CNKSR3: variants seen among roughly 807,000 people sequenced by gnomAD.
CNKSR3 encodes connector enhancer of kinase suppressor of ras 3.
Under a neutral mutation model 67.7 loss-of-function variants are expected in CNKSR3, and 36 were observed. The observed-to-expected ratio is 0.53, with a 90% confidence interval of 0.41 to 0.70. The LOEUF (loss-of-function observed/expected upper bound fraction) is 0.70, where lower values mean the gene tolerates loss of function less well. Ranked by LOEUF, CNKSR3 falls within the 30% of genes least tolerant of loss-of-function variation. CNKSR3 has a pLI of 0.00. For synonymous variants in CNKSR3, 281 were observed against 271.4 expected (o/e 1.04, Z -0.35); for missense variants, 630 against 695.2 (o/e 0.91, Z 1.05).
chr6:154,454,102 CACAGAGAGAGAGAG>C (rs1361490059), intron 1 of CNKSR3, among the ~76,000 whole-genome samples: 2 of 115,224 alleles, frequency 1.7e-5, no homozygotes, highest in African/African-American at 3.4e-5. Flanking sequence ...CACACACACA[CACAGAGAGAGAGAG>C]AGAGAGAGAG....
At chr6:154,435,069 ACCGGCAGCCTTGACCTC>A in intron 4 of CNKSR3, among the ~76,000 whole-genome samples, 1 of 146,840 alleles carries the variant, frequency 6.8e-6, no homozygotes, top group Non-Finnish European at 1.5e-5. Context: ...ATCTCAGCTC[ACCGGCAGCCTTGACCTC>A]CTGGGCTCAA....
chr6:154,464,164 C>T (rs932152381), intron 1 of CNKSR3, among the ~76,000 whole-genome samples: 5 of 152,144 alleles, frequency 3.3e-5, no homozygotes, highest in Admixed American at 1.3e-4. Flanking sequence ...TTGTGTGCAT[C>T]GTGCATCTGA....
intron 6 of CNKSR3, among the ~76,000 whole-genome samples, chr6:154,430,138 A>G (rs559855176): frequency 1.6e-4 from 24 of 152,334 alleles, no homozygotes; most frequent in Middle Eastern, 3.4e-3. Flanking sequence ...CTAAGTGCTA[A>G]TACTTTCAGA....
At chr6:154,413,029 G>A (rs879256371) in intron 10 of CNKSR3, among the ~76,000 whole-genome samples, 8 of 151,878 alleles carry the variant, frequency 5.3e-5, no homozygotes, top group Non-Finnish European at 7.4e-5. Context: ...ATAAAAATAA[G>A]CCTAGATCAC....
chr6:154,411,282 T>C, intron 10 of CNKSR3, 140 bp from the exon 11 acceptor site: 2 of 633,738 alleles, frequency 3.2e-6, no homozygotes, highest in East Asian at 2.8e-5. Context: ...ATTCCTTTTG[T>C]CAACCCCAGT....
At chr6:154,485,525 T>A (rs529474060) in intron 1 of CNKSR3, among the ~76,000 whole-genome samples, 1 of 152,314 alleles carries the variant, frequency 6.6e-6, no homozygotes, top group East Asian at 1.9e-4. Flanking sequence ...AGGTCAACTT[T>A]TAAGTTTTTT....
At chr6:154,495,664 T>C (rs1449897159) in intron 1 of CNKSR3, among the ~76,000 whole-genome samples, 1 of 151,976 alleles carries the variant, frequency 6.6e-6, no homozygotes, top group East Asian at 1.9e-4. Flanking sequence ...CATGAGCCAC[T>C]GTGCCCGGCC....
chr6:154,396,569 G>C lies in CNKSR3; in HGVS notation c.*9785C>G, dbSNP rs138141844. On this transcript the variant is annotated 3_prime_UTR_variant, in exon 13 of 13. Transcript: ENST00000607772. ...ATTATACAGACCCTGCTTTAGAAAG[G>C]CTCACAATTCAAGCTGGTCTAACAC... 4 of 152,034 alleles carry C rather than the reference G, an allele frequency of 2.6e-5. No homozygotes were observed. The highest frequency in any genetic ancestry group is 5.9e-5 in the Non-Finnish European group (4 of 68,028). The allele number at this position is 152,034 out of a possible 1,614,324, so 9.4% of individuals were successfully genotyped here. A position where few individuals can be genotyped will look rare whatever the true frequency, so the allele number is the denominator to read the frequency against.
At chr6:154,422,846 AAAC>A (rs1316471112) in intron 8 of CNKSR3, 66 bp downstream of exon 8, 1 of 1,374,156 alleles carries the variant, frequency 7.3e-7, no homozygotes, top group African/African-American at 1.5e-5. Flanking sequence ...TTAAAAATTT[AAAC>A]AAAATGGTTT....
chr6:154,474,386 C>A (rs1786397165), intron 1 of CNKSR3, among the ~76,000 whole-genome samples: 1 of 149,656 alleles, frequency 6.7e-6, no homozygotes. Context: ...GCACTCCAGC[C>A]CGGGTGACAA....
chr6:154,468,080 CTTT>C (rs71021055), intron 1 of CNKSR3, among the ~76,000 whole-genome samples: 2 of 107,492 alleles, frequency 1.9e-5, no homozygotes, highest in African/African-American at 3.9e-5. Context: ...TCTTTTTTTT[CTTT>C]TTTTTTTTTT....
At chr6:154,466,985 G>T (rs1786216620) in intron 1 of CNKSR3, among the ~76,000 whole-genome samples, 1 of 151,956 alleles carries the variant, frequency 6.6e-6, no homozygotes, top group African/African-American at 2.4e-5. Context: ...GCTAAGCAAA[G>T]AGAAAACAAA....
chr6:154,409,225 T>G (rs961500028), intron 12 of CNKSR3, among the ~76,000 whole-genome samples: 1 of 152,344 alleles, frequency 6.6e-6, no homozygotes, highest in East Asian at 1.9e-4. Context: ...GCTTCCAGAA[T>G]TTTTTCTTCT....
chr6:154,480,882 T>C (rs1786552762), intron 1 of CNKSR3, among the ~76,000 whole-genome samples: 1 of 152,250 alleles, frequency 6.6e-6, no homozygotes, highest in Non-Finnish European at 1.5e-5. Context: ...CTTATGCTTA[T>C]TTATTTGATA....
intron 1 of CNKSR3, among the ~76,000 whole-genome samples, chr6:154,461,408 T>C (rs1562343679): frequency 6.6e-6 from 1 of 152,224 alleles, no homozygotes; most frequent in Non-Finnish European, 1.5e-5. Context: ...TAATTTATAG[T>C]TGCTGTTCAA....
At chr6:154,407,225 T>G (rs1480779546) in intron 12 of CNKSR3, among the ~76,000 whole-genome samples, 1 of 152,148 alleles carries the variant, frequency 6.6e-6, no homozygotes, top group Non-Finnish European at 1.5e-5. Flanking sequence ...TAGAGTGTAG[T>G]GTCCCCGCGA....
rs1785407331 is a variant in CNKSR3 at position 154,433,348 on chromosome 6, C to G, written c.549+118G>C. The G allele has an allele frequency of 6.8e-6, 5 of 735,850 alleles. No homozygotes were observed. In the South Asian group the frequency reaches 8.5e-5, roughly 12 times the overall value. The allele number at this position is 735,850 out of a possible 1,614,324, so 45.6% of individuals were successfully genotyped here. ...CACCTAAATTTAAAAACTCATGTCC[C>G]AAAAGCCAATATTTCAAAGTATCTC... On this transcript the variant is annotated intron_variant, in intron 5 of 12. Coordinates refer to ENST00000607772, the MANE Select transcript of CNKSR3 (RefSeq NM_173515.4).
At position 154,450,021 on chromosome 6, in the gene CNKSR3, A is replaced by C. The variant is rs143159747; in HGVS notation, c.216+74T>G. 0.018 allele frequency: 25,214 copies of C among 1,415,950 alleles called. 273 individuals are homozygous for C. Among genetic ancestry groups the C allele is most frequent in the Non-Finnish European group, 0.021 (22,118 of 1,042,314 alleles). The allele number at this position is 1,415,950 out of a possible 1,614,324, so 87.7% of individuals were successfully genotyped here. A position where few individuals can be genotyped will look rare whatever the true frequency, so the allele number is the denominator to read the frequency against. Reference sequence around the variant, plus strand: ...AGGAAAGAGTGATATGCTAAATCACAAACAATGACGGCTTAAGAGAGCAAG... The same window carrying C: ...AGGAAAGAGTGATATGCTAAATCACCAACAATGACGGCTTAAGAGAGCAAG... On this transcript the variant is annotated intron_variant, in intron 2 of 12. Transcript: ENST00000607772.
At chr6:154,505,733 C>A (rs1030444644) in intron 1 of CNKSR3, among the ~76,000 whole-genome samples, 3 of 148,704 alleles carry the variant, frequency 2.0e-5, no homozygotes, top group Non-Finnish European at 4.4e-5. Context: ...ATCTCCTGAC[C>A]TTGTGATCCG....
Sources: gnomAD v4.1 joint callset for allele counts (sites outside exome capture counted in the v4.1 genomes callset) on GRCh38, gnomAD v4.1.1 for gene constraint, MANE v1.5 for transcripts, NCBI Gene and HGNC (gene_info 2026-07-23, HGNC 2026-07-21) for gene names.